Variants in PPL observed in about 807,000 individuals in gnomAD.
The protein encoded by PPL is 190 kDa paraneoplastic pemphigus antigen.
In PPL, 198 loss-of-function variants were observed where a neutral mutation model predicts 194.4. That is an observed-to-expected ratio of 1.02 (90% CI 0.91 to 1.15). The LOEUF is 1.15. PPL is among the 50% of genes most tolerant of loss of function. PPL has a pLI of 0.00. For synonymous variants in PPL, 1,220 were observed against 972.4 expected, an observed-to-expected ratio of 1.25 and a Z score of -4.74; for missense variants, 2,885 against 2,294.8, an observed-to-expected ratio of 1.26 and a Z score of -5.25.
intron 1 of PPL, 61 bp from the exon 2 acceptor site, chr16:4,911,010 A>C (rs1596569267): frequency 1.5e-6 from 2 of 1,350,594 alleles, no homozygotes. Flanking sequence ...CTATGTCCCC[A>C]CCAGCACCCC....
chr16:4,907,877 C>T (rs893981014), intron 2 of PPL, among the ~76,000 whole-genome samples: 63 of 151,972 alleles, frequency 4.1e-4, no homozygotes, highest in African/African-American at 1.3e-3. Context: ...AAAAATAGGC[C>T]GGGTGCAGTG....
chr16:4,900,524 C>T (rs2088542450), intron 6 of PPL, among the ~76,000 whole-genome samples: 1 of 145,776 alleles, frequency 6.9e-6, no homozygotes, highest in East Asian at 2.1e-4. Context: ...ATTGCAGCCT[C>T]CACCTCCTGG....
rs1394056152 is a variant in PPL, at chr16:4,885,106, C to T, written c.3549G>A (p.Lys1183=). ...KVREIVRPDP[K]AESEVANLRL... ...GGAGGTTCGCCACTTCACTTTCCGC[C>T]TTGGGGTCTGGCCGCACGATCTCCC... The change falls in exon 22 of 22, where the codon AAG becomes AAA. Residue 1183 remains lysine (K), a synonymous_variant. Coordinates refer to ENST00000345988, the MANE Select transcript of PPL (RefSeq NM_002705.5). The surrounding 1 kb of genome is among the most constrained non-coding windows in gnomAD (Gnocchi z 6.3). 8 of 1,613,822 alleles carry T rather than the reference C, an allele frequency of 5.0e-6. No individual in the cohort carries two copies. The highest frequency in any genetic ancestry group is 2.2e-5 in the East Asian group (1 of 44,894).
At position 4,883,222 on chromosome 16, in the gene PPL, G is replaced by A; in HGVS notation, c.*162C>T. On this transcript the variant is annotated 3_prime_UTR_variant, in exon 22 of 22. Transcript: ENST00000345988. The surrounding 1 kb of genome is among the most constrained non-coding windows in gnomAD (Gnocchi z 4.8). ...CGAGAGTTGCCTGTCTTCAGCCAGT[G>A]CCTGTCTCATATGTGGGCGGGACTC... The A allele has an allele frequency of 1.1e-6, 1 of 894,238 alleles. No individual in the cohort carries two copies. Among genetic ancestry groups the A allele is most frequent in the Non-Finnish European group, 1.7e-6 (1 of 585,856 alleles). The allele number at this position is 894,238 out of a possible 1,614,324, so 55.4% of individuals were successfully genotyped here. A position where few individuals can be genotyped will look rare whatever the true frequency, so the allele number is the denominator to read the frequency against.
intron 1 of PPL, among the ~76,000 whole-genome samples, chr16:4,923,722 ATC>A (rs2089100113): frequency 6.6e-6 from 1 of 152,276 alleles, no homozygotes; most frequent in African/African-American, 2.4e-5. Flanking sequence ...CAGTTTCCTC[ATC>A]TCTGAGACAG....
At chr16:4,920,549 C>T (rs928891569) in intron 1 of PPL, among the ~76,000 whole-genome samples, 8 of 151,910 alleles carry the variant, frequency 5.3e-5, no homozygotes, top group Non-Finnish European at 7.4e-5. Flanking sequence ...CTGCAACCTC[C>T]GTCTCTGGAT....
At chr16:4,936,523 C>T (rs2142441400) in intron 1 of PPL, among the ~76,000 whole-genome samples, 1 of 152,336 alleles carries the variant, frequency 6.6e-6, no homozygotes, top group African/African-American at 2.4e-5. Flanking sequence ...GCTCAGTTTC[C>T]CTGCCTCAGG....
chr16:4,897,791 C>T (rs779053419), intron 8 of PPL, 21 bp from the exon 9 acceptor site: 44 of 1,599,280 alleles, frequency 2.8e-5, no homozygotes, highest in East Asian at 4.5e-5. Flanking sequence ...GAGAAGGGGC[C>T]GGTCACCACT....
chr16:4,912,727 C>T (rs191396868), intron 1 of PPL, among the ~76,000 whole-genome samples: 181 of 152,372 alleles, frequency 1.2e-3, no homozygotes, highest in African/African-American at 4.2e-3. Flanking sequence ...TGACACTGGG[C>T]TGCCCGCTGT....
chr16:4,921,384 G>A (rs2089046414), intron 1 of PPL, among the ~76,000 whole-genome samples: 1 of 152,200 alleles, frequency 6.6e-6, no homozygotes, highest in Non-Finnish European at 1.5e-5. Context: ...GAACCACTAG[G>A]GAGGGGGCCT....
In PPL at chr16:4,887,173, G is replaced by C. The variant is rs765249963; in HGVS notation, c.2569C>G (p.Leu857Val). 8.7e-6 allele frequency: 14 copies of C among 1,614,050 alleles called. No individual in the cohort carries two copies. The highest frequency in any genetic ancestry group is 1.2e-5 in the Non-Finnish European group (14 of 1,180,002). ...TEVYAINRQR[L>V]QNLEFALNLL... ...TTCAGAGCAAACTCCAGATTCTGCAGCCTCTGTCTGTTGATGGCATAAACT... is the reference window on the plus strand; with the variant it reads ...TTCAGAGCAAACTCCAGATTCTGCACCCTCTGTCTGTTGATGGCATAAACT... Residue 857 changes from leucine (L) to valine (V), a missense_variant, in exon 21 of 22, where the codon CTG (leucine) becomes GTG (valine). Coordinates refer to ENST00000345988, the MANE Select transcript of PPL (RefSeq NM_002705.5).
rs766453954 is a variant in PPL at position 4,899,058 on chromosome 16, G to C, written c.831C>G (p.Gly277=). 1.2e-6 allele frequency: 2 copies of C among 1,612,880 alleles called. No individual in the cohort carries two copies. The highest frequency in any genetic ancestry group is 1.7e-5 in the Admixed American group (1 of 59,970). Residue 277 remains glycine, a synonymous_variant, in exon 8 of 22, where the codon GGC becomes GGG. Coordinates refer to ENST00000345988, the MANE Select transcript of PPL (RefSeq NM_002705.5). ...EERINKLHSE[G]DQLLAAEHPG... Reference sequence around the variant, plus strand: ...GGTGCTCGGCCGCCAGCAGCTGGTCGCCCTCGCTGTGCAGTTTGTTGATTC... The same window carrying C: ...GGTGCTCGGCCGCCAGCAGCTGGTCCCCCTCGCTGTGCAGTTTGTTGATTC...
intron 1 of PPL, among the ~76,000 whole-genome samples, chr16:4,925,984 G>T (rs564559340): frequency 6.6e-6 from 1 of 152,280 alleles, no homozygotes; most frequent in East Asian, 1.9e-4. Flanking sequence ...ATGGTAAACG[G>T]AGACTGAGTC....
At chr16:4,893,115 T>C (rs2142344857) in intron 14 of PPL, 98 bp downstream of exon 14, 1 of 1,371,022 alleles carries the variant, frequency 7.3e-7, no homozygotes, top group South Asian at 1.6e-5. Flanking sequence ...CTGCAGTGAA[T>C]ATCCCAAGAC....
In PPL at chr16:4,897,662, G is replaced by A. The variant is rs765974131; in HGVS notation, c.972+13C>T. 1 of 1,608,700 alleles carries A rather than the reference G, an allele frequency of 6.2e-7. No homozygotes were observed. Among genetic ancestry groups the A allele is most frequent in the Non-Finnish European group, 8.5e-7 (1 of 1,175,828 alleles). On this transcript the variant is annotated intron_variant, in intron 9 of 21. Coordinates refer to ENST00000345988, the MANE Select transcript of PPL (RefSeq NM_002705.5). ...CCCCCGGTGCTGGGGGGACTCCCAG[G>A]AAAGGTAAGTACCTGGTGGTAGTCC...
chr16:4,885,308 T>C lies in PPL; in HGVS notation c.3347A>G (p.Glu1116Gly), dbSNP rs1309539318. The C allele has an allele frequency of 1.1e-5, 18 of 1,612,284 alleles. No homozygotes were observed. The highest frequency in any genetic ancestry group is 1.5e-5 in the Non-Finnish European group (18 of 1,179,904). The change falls in exon 22 of 22, where the codon GAG (glutamate) becomes GGG (glycine). Residue 1116 changes from glutamate to glycine, a missense_variant. Glu to Gly is a moderately conservative substitution (Grantham distance 98, BLOSUM62 -2). Transcript: ENST00000345988. The surrounding 1 kb of genome is among the most constrained non-coding windows in gnomAD (Gnocchi z 6.3). ...CGCGTCCTTCTCCACCTTGAGCACC[T>C]CCTTGACGGTGATCTTGCCCTCGGC... ...AMAEGKITVKEVLKVEKDAAT... is the reference protein window; with the variant it reads ...AMAEGKITVKGVLKVEKDAAT...
At position 4,887,156 on chromosome 16, in the gene PPL, A is replaced by C. The variant is rs1210823650; in HGVS notation, c.2586T>G (p.Phe862Leu). ...INRQRLQNLE[F>L]ALNLLRQQPE... The stretch of plus-strand genomic sequence containing the variant: ...TTACCTGTCTGAGGAGATTCAGAGC[A>C]AACTCCAGATTCTGCAGCCTCTGTC... Residue 862 changes from phenylalanine to leucine, a missense_variant, in exon 21 of 22, where the codon TTT becomes TTG. Physicochemically the swap from Phe to Leu is conservative, Grantham distance 22. Transcript: ENST00000345988. The C allele has an allele frequency of 5.0e-6, 8 of 1,613,976 alleles. No individual in the cohort carries two copies. Among genetic ancestry groups the C allele is most frequent in the Non-Finnish European group, 6.8e-6 (8 of 1,179,922 alleles).
chr16:4,887,987 G>A (rs897546002), intron 20 of PPL, 115 bp downstream of exon 20: 2 of 739,492 alleles, frequency 2.7e-6, no homozygotes, highest in African/African-American at 3.5e-5. Context: ...GGCTCTCAGT[G>A]GCTTCCCTGT....
At chr16:4,915,759 T>C (rs931918316) in intron 1 of PPL, among the ~76,000 whole-genome samples, 27 of 152,170 alleles carry the variant, frequency 1.8e-4, no homozygotes, top group African/African-American at 5.1e-4. Context: ...GACTCAATCT[T>C]CATGACAACC....
Sources: gnomAD v4.1 joint callset for allele counts (sites outside exome capture counted in the v4.1 genomes callset) on GRCh38, gnomAD v4.1.1 for gene constraint, Gnocchi (gnomAD v3.1) non-coding constraint, MANE v1.5 for transcripts, NCBI Gene and HGNC (gene_info 2026-07-23, HGNC 2026-07-21) for gene names.